MGST1: variants seen among roughly 807,000 people sequenced by gnomAD.
MGST1 encodes microsomal glutathione S-transferase 1.
MGST1 carries 5 observed loss-of-function variants against 8.9 expected under a neutral mutation model. That is an observed-to-expected ratio of 0.56 (90% CI 0.29 to 1.19). The LOEUF is 1.19. Among genes scored for constraint, MGST1 ranks in the 50% most tolerant of loss-of-function variants. The pLI is 0.08. For synonymous variants in MGST1, 54 were observed against 67.8 expected (o/e 0.80, Z 1.00); for missense variants, 182 against 187.4 (o/e 0.97, Z 0.17).
At chr12:16,433,321 T>G (rs1940955676) in intron 1 of MGST1, among the ~76,000 whole-genome samples, 1 of 151,942 alleles carries the variant, frequency 6.6e-6, no homozygotes, top group African/African-American at 2.4e-5. Flanking sequence ...AATATTAGTC[T>G]CCTTTGGCAA....
chr12:16,451,902 G>C (rs1941132332), intron 4 of MGST1, among the ~76,000 whole-genome samples: 1 of 151,718 alleles, frequency 6.6e-6, no homozygotes, highest in African/African-American at 2.4e-5. Flanking sequence ...TTCCATCTTA[G>C]TGTAGGACTG....
intron 4 of MGST1, among the ~76,000 whole-genome samples, chr12:16,474,044 G>C (rs953027723): frequency 1.3e-5 from 2 of 152,152 alleles, no homozygotes; most frequent in Non-Finnish European, 2.9e-5. Context: ...TGCTATACTG[G>C]AACGGAGTGA....
At chr12:16,495,888 G>A (rs1045021891) in intron 4 of MGST1, among the ~76,000 whole-genome samples, 3 of 151,958 alleles carry the variant, frequency 2.0e-5, no homozygotes, top group Admixed American at 6.6e-5. Flanking sequence ...CTACTTCAAG[G>A]TAAAGCATTT....
rs1555116337 is a variant in MGST1, at chr12:16,566,038, A to ATATATG, written n.483-23488_483-23487insTATGTA. On this transcript the variant is annotated intron_variant and non_coding_transcript_variant, in intron 4 of 4. Transcript: ENST00000538857. ...TATATATATATATATATATATATAT[A>ATATATG]TAAAATGGAGTACTATTCAGCCATA... Among the ~76,000 whole-genome samples, 31 of 90,520 alleles carry ATATATG rather than the reference A, an allele frequency of 3.4e-4. 4 individuals are homozygous for ATATATG. Among genetic ancestry groups the ATATATG allele is most frequent in the East Asian group, 8.4e-4 (2 of 2,392 alleles). The allele number at this position is 90,520 out of a possible 152,430, so 59.4% of individuals were successfully genotyped here. A position where few individuals can be genotyped will look rare whatever the true frequency, so the allele number is the denominator to read the frequency against.
At chr12:16,394,146 C>T (rs1026789937) in intron 1 of MGST1, among the ~76,000 whole-genome samples, 1 of 152,182 alleles carries the variant, frequency 6.6e-6, no homozygotes, top group Non-Finnish European at 1.5e-5. Context: ...GTGAGAGTTC[C>T]TGTTGCTCCG....
chr12:16,429,295 T>TGAG (rs757076707), intron 1 of MGST1, among the ~76,000 whole-genome samples: 4 of 152,180 alleles, frequency 2.6e-5, no homozygotes, highest in Non-Finnish European at 4.4e-5. Context: ...TCACTGATGC[T>TGAG]GAGCAGTTTG....
chr12:16,428,425 T>G (rs1238896649), intron 1 of MGST1, among the ~76,000 whole-genome samples: 1 of 151,844 alleles, frequency 6.6e-6, no homozygotes, highest in African/African-American at 2.4e-5. Context: ...AGCTTCCCCT[T>G]CAGTTATATT....
At chr12:16,376,211 T>G in exon 4 of MGST1, 1 of 792,154 alleles carries the variant, frequency 1.3e-6, no homozygotes, top group East Asian at 2.8e-5. Context: ...AAATGTTTCC[T>G]TGTAGAAGCA....
chr12:16,560,508 G>A lies in MGST1; in HGVS notation n.483-29020G>A, dbSNP rs932050919. 5 of 1,613,636 alleles carry A rather than the reference G, an allele frequency of 3.1e-6. No individual in the cohort carries two copies. Among genetic ancestry groups the A allele is most frequent in the Non-Finnish European group, 4.2e-6 (5 of 1,179,808 alleles). ...CAAAGGCAGGGATGAGCTTACTACAGGCAGCGCAGTTTCCCGTTACACCAA... is the reference window on the plus strand; with the variant it reads ...CAAAGGCAGGGATGAGCTTACTACAAGCAGCGCAGTTTCCCGTTACACCAA... On this transcript the variant is annotated intron_variant and non_coding_transcript_variant, in intron 4 of 4. Coordinates refer to the MGST1 transcript ENST00000538857. This position sits in a 1 kb window ranked among gnomAD's most constrained non-coding sequence, Gnocchi z 5.0.
At chr12:16,439,659 C>T (rs1251245283), downstream of MGST1, among the ~76,000 whole-genome samples, 5 of 151,684 alleles carry the variant, frequency 3.3e-5, no homozygotes, top group African/African-American at 1.2e-4. Context: ...TCTGGAGTAA[C>T]TTATGTGTTT....
intron 4 of MGST1, among the ~76,000 whole-genome samples, chr12:16,533,493 A>AT (rs1183183886): frequency 6.6e-6 from 1 of 152,024 alleles, no homozygotes; most frequent in African/African-American, 2.4e-5. Flanking sequence ...TTCTCGGTTA[A>AT]TTTTTTCCTA....
downstream of MGST1, among the ~76,000 whole-genome samples, chr12:16,440,291 A>T (rs1414209051): frequency 5.3e-5 from 8 of 151,656 alleles, no homozygotes; most frequent in African/African-American, 1.2e-4. Flanking sequence ...AAGCGTATAA[A>T]CCTTGGGTAT....
intron 4 of MGST1, among the ~76,000 whole-genome samples, chr12:16,530,599 G>C (rs1041346760): frequency 2.0e-5 from 3 of 152,164 alleles, no homozygotes; most frequent in Admixed American, 6.5e-5. Context: ...GTTTATGGAG[G>C]GGGTGAAGGC....
At chr12:16,459,903 G>A (rs1941205980) in intron 4 of MGST1, among the ~76,000 whole-genome samples, 1 of 152,060 alleles carries the variant, frequency 6.6e-6, no homozygotes, top group African/African-American at 2.4e-5. Context: ...GAGGAATAAT[G>A]ACCCACATAG....
intron 1 of MGST1, among the ~76,000 whole-genome samples, chr12:16,352,892 G>A (rs576175053): frequency 1.3e-5 from 2 of 152,108 alleles, no homozygotes; most frequent in Admixed American, 6.5e-5. Context: ...ACCTGTCTTC[G>A]AATTGATGAT....
At chr12:16,562,536 C>T (rs1388501688) in intron 4 of MGST1, among the ~76,000 whole-genome samples, 1 of 152,154 alleles carries the variant, frequency 6.6e-6, no homozygotes, top group African/African-American at 2.4e-5. Context: ...GAATTTGTTT[C>T]CACACAAACC....
chr12:16,556,941 G>GTACTT (rs1372007811), intron 4 of MGST1, among the ~76,000 whole-genome samples: 4 of 152,098 alleles, frequency 2.6e-5, no homozygotes, highest in Non-Finnish European at 5.9e-5. Context: ...AATATATTAG[G>GTACTT]TACTTTAATA....
In MGST1 at chr12:16,364,106, A is replaced by G; in HGVS notation, c.*65A>G. 6.6e-7 allele frequency: 1 copy of G among 1,511,876 alleles called. No individual in the cohort carries two copies. Among genetic ancestry groups the G allele is most frequent in the South Asian group, 1.4e-5 (1 of 73,120 alleles). 93.7% of individuals were successfully genotyped at this position (1,511,876 alleles called of 1,614,324 possible). On this transcript the variant is annotated 3_prime_UTR_variant, in exon 4 of 4. Coordinates refer to ENST00000396210, the MANE Select transcript of MGST1 (RefSeq NM_020300.5). The surrounding 1 kb of genome is among the most constrained non-coding windows in gnomAD (Gnocchi z 5.7). ...AATTCTGTACTTCCAATTTATAATG[A>G]ATACTTTCTTAGATTTTAGGTAGGA... is the stretch of plus-strand genomic sequence containing the variant.
At chr12:16,464,950 C>T (rs995269878) in intron 4 of MGST1, among the ~76,000 whole-genome samples, 4 of 152,152 alleles carry the variant, frequency 2.6e-5, no homozygotes, top group Non-Finnish European at 2.9e-5. Flanking sequence ...CTTGTGCACA[C>T]GTATTTACCT....
Sources: gnomAD v4.1 joint callset for allele counts (sites outside exome capture counted in the v4.1 genomes callset) on GRCh38, gnomAD v4.1.1 for gene constraint, Gnocchi (gnomAD v3.1) non-coding constraint, MANE v1.5 for transcripts, NCBI Gene and HGNC (gene_info 2026-07-23, HGNC 2026-07-21) for gene names.